The following TTC28 variants were observed in gnomAD, a reference collection of about 807,000 sequenced individuals.
TTC28 encodes tetratricopeptide repeat domain 28, also known as tetratricopeptide repeat protein 28.
A neutral mutation model predicts 198.0 loss-of-function variants in TTC28; 61 were observed. The ratio of observed to expected loss-of-function variants is 0.31; its 90% CI spans 0.25 to 0.38. TTC28 has a LOEUF of 0.38. Ranked by LOEUF, TTC28 falls within the 10% of genes least tolerant of loss-of-function variation. The pLI is 1.00. For missense variants in TTC28, 2,678 were observed against 3,164.0 expected (o/e 0.85, Z 3.69); for synonymous variants, 1,171 against 1,297.8 (o/e 0.90, Z 2.10).
Position 28,354,826 on chromosome 22 carries a change from C to CT in TTC28, c.382-48184dup, listed in dbSNP as rs59409055. Among the ~76,000 whole-genome samples, 358 of 151,262 alleles carry CT rather than the reference C, an allele frequency of 2.4e-3. 2 individuals are homozygous for CT. Among genetic ancestry groups the CT allele is most frequent in the African/African-American group, 7.4e-3 (303 of 41,186 alleles). The stretch of plus-strand genomic sequence containing the variant: ...ACCATCTTCAAAAATAAAGAATACT[C>CT]TTTTTTTTTAATATACTTTAAGTTT... On this transcript the variant is annotated intron_variant, in intron 2 of 22. Transcript: ENST00000397906.
rs1277019849 is a variant in TTC28 at position 28,032,235 on chromosome 22, A to AAT, written c.3933-1871_3933-1870dup. 1.1e-3 allele frequency among the ~76,000 whole-genome samples: 133 copies of AAT among 120,072 alleles called. 1 individual carries two copies. In the Middle Eastern group the frequency reaches 0.016, roughly 14 times the overall value. 78.8% of individuals were successfully genotyped at this position (120,072 alleles called of 152,430 possible). A position where few individuals can be genotyped will look rare whatever the true frequency, so the allele number is the denominator to read the frequency against. Reference sequence around the variant, plus strand: ...ATATATATAAAATATATATATATAAAATATATATATATAAAATATATATAT... The same window carrying AAT: ...ATATATATAAAATATATATATATAAAATATATATATATATAAAATATATATAT... On this transcript the variant is annotated intron_variant, in intron 12 of 22. Coordinates refer to ENST00000397906, the MANE Select transcript of TTC28 (RefSeq NM_001145418.2).
intron 6 of TTC28, among the ~76,000 whole-genome samples, chr22:28,109,762 C>T (rs1050455969): frequency 4.6e-5 from 7 of 152,188 alleles, no homozygotes; most frequent in African/African-American, 1.7e-4. Context: ...AGCTAGTATG[C>T]AAACAGGTTT....
chr22:28,338,291 C>T (rs1169833612), intron 2 of TTC28, among the ~76,000 whole-genome samples: 1 of 152,180 alleles, frequency 6.6e-6, no homozygotes, highest in African/African-American at 2.4e-5. Context: ...TTCATTTCAA[C>T]TTTGGTGAAT....
intron 12 of TTC28, among the ~76,000 whole-genome samples, chr22:28,036,977 T>A (rs947710005): frequency 2.0e-5 from 3 of 152,002 alleles, no homozygotes; most frequent in South Asian, 2.1e-4. Context: ...TAGGAAGAAG[T>A]TGAATCTCTG....
chr22:28,475,478 G>T (rs1408086285), intron 2 of TTC28, among the ~76,000 whole-genome samples: 3 of 152,180 alleles, frequency 2.0e-5, no homozygotes, highest in Non-Finnish European at 4.4e-5. Context: ...AGTGGGCCCT[G>T]CCAGGAATCC....
At chr22:28,079,955 A>G (rs1941288284) in intron 12 of TTC28, among the ~76,000 whole-genome samples, 2 of 152,144 alleles carry the variant, frequency 1.3e-5, no homozygotes, top group African/African-American at 4.8e-5. Flanking sequence ...TCAGGAACTC[A>G]TGGGCTCAAG....
Position 28,272,171 on chromosome 22 carries a change from G to A in TTC28, c.933+24027C>T, listed in dbSNP as rs184707435. On this transcript the variant is annotated intron_variant, in intron 5 of 22. Transcript: ENST00000397906. ...TTAGAGTCTTGAATGTACATGTATT[G>A]TCTAGCACAGATGGTGCTTCATAGA... Among the ~76,000 whole-genome samples, 84 of 152,280 alleles carry A rather than the reference G, an allele frequency of 5.5e-4. 1 individual carries two copies. Among genetic ancestry groups the A allele is most frequent in the South Asian group, 3.1e-3 (15 of 4,828 alleles).
intron 2 of TTC28, among the ~76,000 whole-genome samples, chr22:28,412,598 A>G (rs138936146): frequency 1.3e-5 from 2 of 152,268 alleles, no homozygotes; most frequent in East Asian, 3.9e-4. Flanking sequence ...GTGTTTTCAC[A>G]ATTCTGTGCT....
intron 2 of TTC28, among the ~76,000 whole-genome samples, chr22:28,604,968 A>G (rs2050707074): frequency 6.6e-6 from 1 of 152,208 alleles, no homozygotes; most frequent in South Asian, 2.1e-4. Context: ...TAAACATACC[A>G]TCTAAGAGTT....
intron 12 of TTC28, among the ~76,000 whole-genome samples, chr22:28,034,413 C>T (rs781404462): frequency 6.6e-6 from 1 of 152,236 alleles, no homozygotes; most frequent in Non-Finnish European, 1.5e-5. Context: ...TTGGCCCTGC[C>T]TACCTCTCTT....
chr22:28,418,311 T>C (rs945326523), intron 2 of TTC28, among the ~76,000 whole-genome samples: 1 of 152,204 alleles, frequency 6.6e-6, no homozygotes, highest in African/African-American at 2.4e-5. Flanking sequence ...TCAAATATAC[T>C]GCACAGTTCA....
intron 5 of TTC28, among the ~76,000 whole-genome samples, chr22:28,229,896 C>T (rs1426702159): frequency 6.6e-6 from 1 of 152,042 alleles, no homozygotes; most frequent in East Asian, 1.9e-4. Context: ...TTTTGAGATG[C>T]TTAAATTTAA....
intron 22 of TTC28, among the ~76,000 whole-genome samples, chr22:27,984,931 G>A (rs987212797): frequency 1.3e-5 from 2 of 152,154 alleles, no homozygotes; most frequent in Admixed American, 6.5e-5. Flanking sequence ...CTGAGTGTCC[G>A]CTCCGGTCAG....
intron 2 of TTC28, among the ~76,000 whole-genome samples, chr22:28,605,128 G>C (rs372174428): frequency 4.6e-5 from 7 of 152,100 alleles, no homozygotes; most frequent in South Asian, 2.1e-4. Context: ...TTCTTGCCAG[G>C]CTTCCTGAAT....
At chr22:28,318,239 G>A (rs1569257189) in intron 2 of TTC28, among the ~76,000 whole-genome samples, 3 of 151,992 alleles carry the variant, frequency 2.0e-5, no homozygotes, top group Admixed American at 6.6e-5. Context: ...CCCCATTACT[G>A]CTGACTTGCC....
At chr22:28,307,874 T>C (rs969521382) in intron 2 of TTC28, among the ~76,000 whole-genome samples, 2 of 152,088 alleles carry the variant, frequency 1.3e-5, no homozygotes, top group East Asian at 1.9e-4. Flanking sequence ...CTCTTAAAAC[T>C]ACCACTCAAT....
chr22:28,104,081 A>G (rs1942230486), intron 8 of TTC28, among the ~76,000 whole-genome samples: 1 of 152,148 alleles, frequency 6.6e-6, no homozygotes, highest in Non-Finnish European at 1.5e-5. Flanking sequence ...TGCAAAGGAG[A>G]CCAGCGAATC....
chr22:28,447,326 A>G (rs1047758848), intron 2 of TTC28, among the ~76,000 whole-genome samples: 67 of 152,248 alleles, frequency 4.4e-4, no homozygotes, highest in African/African-American at 1.5e-3. Flanking sequence ...AAGCAACTCA[A>G]TTGATGTCCT....
chr22:28,109,912 C>T (rs1328783326), intron 6 of TTC28, among the ~76,000 whole-genome samples: 2 of 152,206 alleles, frequency 1.3e-5, no homozygotes, highest in Non-Finnish European at 2.9e-5. Flanking sequence ...AAAATAGATG[C>T]TCTGAGAAAG....
Sources: gnomAD v4.1 joint callset for allele counts (sites outside exome capture counted in the v4.1 genomes callset) on GRCh38, gnomAD v4.1.1 for gene constraint, MANE v1.5 for transcripts, NCBI Gene and HGNC (gene_info 2026-07-23, HGNC 2026-07-21) for gene names.